PDE3A: variants seen among roughly 807,000 people sequenced by gnomAD.
PDE3A encodes cGMP-inhibited 3',5'-cyclic phosphodiesterase 3A.
A neutral mutation model predicts 98.3 loss-of-function variants in PDE3A; 43 were observed. The ratio of observed to expected loss-of-function variants is 0.44; its 90% CI spans 0.34 to 0.56. The LOEUF (loss-of-function observed/expected upper bound fraction) is 0.56. Ranked by LOEUF, PDE3A falls within the 20% of genes least tolerant of loss-of-function variation. PDE3A has a pLI of 0.01. For synonymous variants in PDE3A, 663 were observed against 567.9 expected (o/e 1.17, Z -2.38); for missense variants, 1,427 against 1,440.7 (o/e 0.99, Z 0.15).
At chr12:20,442,020 C>A (rs1387241118) in intron 1 of PDE3A, among the ~76,000 whole-genome samples, 1 of 152,104 alleles carries the variant, frequency 6.6e-6, no homozygotes, top group African/African-American at 2.4e-5. Flanking sequence ...TCCTGGATGA[C>A]CCTTTTGCAT....
At chr12:20,490,992 T>A (rs1945816517) in intron 1 of PDE3A, among the ~76,000 whole-genome samples, 1 of 152,140 alleles carries the variant, frequency 6.6e-6, no homozygotes, top group South Asian at 2.1e-4. Context: ...TCCTAGCTAC[T>A]CAGGAGGCTG....
intron 6 of PDE3A, among the ~76,000 whole-genome samples, chr12:20,632,949 C>CTTTTTTT (rs5796876): frequency 3.9e-5 from 4 of 102,112 alleles, no homozygotes; most frequent in Non-Finnish European, 5.6e-5. Context: ...AATAATGAGG[C>CTTTTTTT]TTTTTTTTTT....
intron 1 of PDE3A, among the ~76,000 whole-genome samples, chr12:20,527,390 T>G (rs148767431): frequency 1.1e-3 from 162 of 152,340 alleles, no homozygotes; most frequent in African/African-American, 3.7e-3. Context: ...AACCTAATAG[T>G]TGCCCCTTTT....
At position 20,646,772 on chromosome 12, in the gene PDE3A, A is replaced by G; in HGVS notation, c.2387A>G (p.His796Arg). 5 of 1,603,310 alleles carry G rather than the reference A, an allele frequency of 3.1e-6. No individual in the cohort carries two copies. Among genetic ancestry groups the G allele is most frequent in the Non-Finnish European group, 3.4e-6 (4 of 1,170,212 alleles). ...TCAGATTCTGACAGTGGATTTACAC[A>G]TGGACATATGGGATATGTATTCTCA... ...SDSDSDSGFT[H>R]GHMGYVFSKT... The change falls in exon 12 of 16, where the codon CAT (histidine) becomes CGT (arginine). Residue 796 changes from histidine (H) to arginine (R), a missense_variant. Around this residue, in one of 3 missense-constraint regions of PDE3A, gnomAD observed 273 missense variants for 420.3 expected, o/e 0.65. Transcript: ENST00000359062.
chr12:20,522,141 G>T (rs1565576532), intron 1 of PDE3A, among the ~76,000 whole-genome samples: 1 of 151,826 alleles, frequency 6.6e-6, no homozygotes, highest in Non-Finnish European at 1.5e-5. Context: ...TACTGTACAG[G>T]GTCATTCTAA....
At chr12:20,518,360 C>T (rs555994952) in intron 1 of PDE3A, among the ~76,000 whole-genome samples, 5 of 151,802 alleles carry the variant, frequency 3.3e-5, no homozygotes, top group African/African-American at 1.2e-4. Flanking sequence ...AATGACTGAA[C>T]TTTTAGAGGG....
chr12:20,494,298 G>T (rs1461760133), intron 1 of PDE3A, among the ~76,000 whole-genome samples: 1 of 152,170 alleles, frequency 6.6e-6, no homozygotes, highest in African/African-American at 2.4e-5. Flanking sequence ...CTTTATTGAA[G>T]AAGAGCTTTT....
intron 10 of PDE3A, among the ~76,000 whole-genome samples, chr12:20,641,364 G>T (rs1391946893): frequency 6.6e-6 from 1 of 152,090 alleles, no homozygotes; most frequent in Non-Finnish European, 1.5e-5. Flanking sequence ...AGGATCTCAA[G>T]ATAAGCCTTG....
intron 2 of PDE3A, among the ~76,000 whole-genome samples, chr12:20,591,863 G>C (rs1459862294): frequency 6.6e-6 from 1 of 152,122 alleles, no homozygotes; most frequent in Non-Finnish European, 1.5e-5. Flanking sequence ...CCAGTATTTT[G>C]TTTTCAAAGT....
intron 1 of PDE3A, among the ~76,000 whole-genome samples, chr12:20,546,414 G>A (rs1403511757): frequency 1.3e-5 from 2 of 151,906 alleles, no homozygotes; most frequent in Non-Finnish European, 2.9e-5. Flanking sequence ...GACTAGACAG[G>A]TGCTGAGACT....
intron 2 of PDE3A, chr12:20,572,091 T>C: frequency 8.0e-7 from 1 of 1,251,128 alleles, no homozygotes; most frequent in East Asian, 6.1e-5. Flanking sequence ...TCTAACAGAA[T>C]CTGAACTTTA....
At chr12:20,446,295 G>A (rs145755624) in intron 1 of PDE3A, among the ~76,000 whole-genome samples, 1 of 152,190 alleles carries the variant, frequency 6.6e-6, no homozygotes, top group Non-Finnish European at 1.5e-5. Flanking sequence ...AAATGGTCAT[G>A]CTTTCAGACG....
intron 1 of PDE3A, among the ~76,000 whole-genome samples, chr12:20,541,737 A>C (rs1193722215): frequency 6.6e-6 from 1 of 152,116 alleles, no homozygotes; most frequent in Non-Finnish European, 1.5e-5. Context: ...TTCTGCAAAA[A>C]AAGCATTGGT....
chr12:20,469,196 A>C (rs1041876826), intron 1 of PDE3A, among the ~76,000 whole-genome samples: 1 of 152,144 alleles, frequency 6.6e-6, no homozygotes, highest in Non-Finnish European at 1.5e-5. Flanking sequence ...TAACCCTTAA[A>C]TACCTCTGAG....
intron 2 of PDE3A, among the ~76,000 whole-genome samples, chr12:20,606,851 CAAAAAAA>C (rs370189687): frequency 1.3e-5 from 1 of 74,662 alleles, no homozygotes; most frequent in African/African-American, 5.0e-5. Context: ...AGCTCCATCT[CAAAAAAA>C]AAAAAAAAAA....
intron 1 of PDE3A, among the ~76,000 whole-genome samples, chr12:20,385,646 G>C (rs1943742600): frequency 6.6e-6 from 1 of 151,556 alleles, no homozygotes; most frequent in African/African-American, 2.4e-5. Context: ...GTAGGGACAT[G>C]GATGAAGCTG....
chr12:20,614,612 GGA>G (rs1233255944), intron 3 of PDE3A, among the ~76,000 whole-genome samples: 1 of 152,236 alleles, frequency 6.6e-6, no homozygotes, highest in East Asian at 1.9e-4. Flanking sequence ...GTAAGGAAAT[GGA>G]GAGAGAGATT....
chr12:20,551,616 G>C (rs1942202626), intron 1 of PDE3A: 1 of 1,569,750 alleles, frequency 6.4e-7, no homozygotes, highest in African/African-American at 1.4e-5. Context: ...ACCCCGACAA[G>C]CAGCTCATGT....
At chr12:20,415,585 C>T (rs901704077) in intron 1 of PDE3A, among the ~76,000 whole-genome samples, 1 of 151,856 alleles carries the variant, frequency 6.6e-6, no homozygotes, top group Non-Finnish European at 1.5e-5. Flanking sequence ...TTATAGGCAC[C>T]CGCCATCATG....
Sources: allele counts gnomAD v4.1 joint callset (sites outside exome capture counted in the v4.1 genomes callset), GRCh38; gene constraint gnomAD v4.1.1; regional missense constraint gnomAD v4.1.1; transcripts MANE v1.5; gene names NCBI Gene and HGNC (gene_info 2026-07-23, HGNC 2026-07-21).